The following FAM227B variants were observed in gnomAD, a reference collection of about 807,000 sequenced individuals.
The protein encoded by FAM227B is family with sequence similarity 227 member B, also known as protein FAM227B.
FAM227B carries 88 observed loss-of-function variants against 73.8 expected under a neutral mutation model. That is an observed-to-expected ratio of 1.19 (90% CI 1.00 to 1.42). The LOEUF is 1.42. Among genes scored for constraint, FAM227B ranks in the 40% most tolerant of loss-of-function variants. FAM227B has a pLI of 0.00. For missense variants in FAM227B, 632 were observed against 590.9 expected, an observed-to-expected ratio of 1.07 and a Z score of -0.72; for synonymous variants, 210 against 190.5, an observed-to-expected ratio of 1.10 and a Z score of -0.84.
chr15:49,544,491 C>T (rs954234608), intron 9 of FAM227B, among the ~76,000 whole-genome samples: 1 of 152,124 alleles, frequency 6.6e-6, no homozygotes, highest in Non-Finnish European at 1.5e-5. Flanking sequence ...CATCTGGATG[C>T]TCTTTATTTC....
intron 9 of FAM227B, among the ~76,000 whole-genome samples, chr15:49,556,539 C>A (rs554999758): frequency 9.2e-5 from 14 of 152,310 alleles, no homozygotes; most frequent in African/African-American, 3.1e-4. Context: ...TCTGTTGGAA[C>A]TCTTGATGGC....
chr15:49,359,011 G>T (rs1596499253), intron 13 of FAM227B, among the ~76,000 whole-genome samples: 1 of 151,842 alleles, frequency 6.6e-6, no homozygotes, highest in South Asian at 2.1e-4. Flanking sequence ...TTAATAAATG[G>T]TGCTGGGAAA....
intron 1 of FAM227B, among the ~76,000 whole-genome samples, chr15:49,616,368 T>C (rs1051043247): frequency 1.3e-5 from 2 of 152,164 alleles, no homozygotes; most frequent in African/African-American, 2.4e-5. Flanking sequence ...AATAATAAAC[T>C]TTGTGTTGTT....
At chr15:49,588,547 C>CCA (rs2076315076) in intron 4 of FAM227B, among the ~76,000 whole-genome samples, 1 of 38,054 alleles carries the variant, frequency 2.6e-5, no homozygotes, top group Non-Finnish European at 5.2e-5. Flanking sequence ...ATATTGAGGA[C>CCA]TATATATATA....
intron 13 of FAM227B, among the ~76,000 whole-genome samples, chr15:49,367,022 T>C (rs1224823846): frequency 6.6e-6 from 1 of 152,214 alleles, no homozygotes; most frequent in Non-Finnish European, 1.5e-5. Flanking sequence ...AATTTTTTAA[T>C]GTGTAAAAAA....
At chr15:49,480,474 A>AT (rs35283556) in intron 11 of FAM227B, among the ~76,000 whole-genome samples, 66,114 of 101,106 alleles carry the variant, frequency 0.65, 22,243 homozygotes, top group East Asian at 0.9. Context: ...TGCCCAACTA[A>AT]TTTTTTTTTT....
At chr15:49,618,633 T>G (rs2078451862) in intron 1 of FAM227B, among the ~76,000 whole-genome samples, 1 of 151,592 alleles carries the variant, frequency 6.6e-6, no homozygotes. Context: ...ACAAGAAGAG[T>G]GTATGAGGTA....
intron 11 of FAM227B, among the ~76,000 whole-genome samples, chr15:49,496,107 T>C (rs1597602473): frequency 6.6e-6 from 1 of 152,210 alleles, no homozygotes; most frequent in Admixed American, 6.5e-5. Context: ...AGCATCTGGC[T>C]ATTACTTTAA....
At chr15:49,498,532 T>C (rs919197711) in intron 11 of FAM227B, among the ~76,000 whole-genome samples, 1 of 152,258 alleles carries the variant, frequency 6.6e-6, no homozygotes, top group African/African-American at 2.4e-5. Context: ...ACTTGGCCCT[T>C]GCTCCCACAG....
chr15:49,507,379 A>G (rs2058660669), intron 11 of FAM227B, among the ~76,000 whole-genome samples: 2 of 152,114 alleles, frequency 1.3e-5, no homozygotes, highest in East Asian at 1.9e-4. Flanking sequence ...ATATCAAGGT[A>G]TAGGTTAGAA....
chr15:49,607,942 G>T (rs1338785193), intron 3 of FAM227B, among the ~76,000 whole-genome samples: 1 of 151,928 alleles, frequency 6.6e-6, no homozygotes, highest in Non-Finnish European at 1.5e-5. Context: ...GGTACCTCTT[G>T]AATAGAGTGT....
In FAM227B at chr15:49,446,926, C is replaced by G. The variant is rs536696231; in HGVS notation, c.1012+61285G>C. ...GCAATACACAGATATATCAAGAAAT[C>G]AGGAGAGATAAAAGGCAGAGAAATA... On this transcript the variant is annotated intron_variant, in intron 11 of 15. Transcript: ENST00000299338. 9.1e-4 allele frequency among the ~76,000 whole-genome samples: 138 copies of G among 151,402 alleles called. 5 individuals are homozygous for G. In the South Asian group the frequency reaches 0.027, roughly 30 times the overall value.
chr15:49,374,731 A>T (rs1425874723), intron 11 of FAM227B, among the ~76,000 whole-genome samples: 1 of 152,114 alleles, frequency 6.6e-6, no homozygotes, highest in Middle Eastern at 3.2e-3. Flanking sequence ...TTTAGTAGAG[A>T]CTGGGTTTGA....
At chr15:49,405,751 T>G (rs955158029) in intron 11 of FAM227B, among the ~76,000 whole-genome samples, 1 of 152,204 alleles carries the variant, frequency 6.6e-6, no homozygotes, top group Non-Finnish European at 1.5e-5. Flanking sequence ...TTTCTGTCAT[T>G]TCAGCCATCT....
chr15:49,528,306 C>G (rs991657105), intron 10 of FAM227B, among the ~76,000 whole-genome samples: 1 of 151,522 alleles, frequency 6.6e-6, no homozygotes, highest in African/African-American at 2.4e-5. Flanking sequence ...ATGCAGAAAA[C>G]GAAACTGGAC....
chr15:49,355,272 T>C (rs1162908820), intron 13 of FAM227B, among the ~76,000 whole-genome samples: 1 of 152,194 alleles, frequency 6.6e-6, no homozygotes, highest in African/African-American at 2.4e-5. Flanking sequence ...GAAGAAGGCT[T>C]CAGACTATCA....
intron 9 of FAM227B, among the ~76,000 whole-genome samples, chr15:49,564,972 T>C (rs2074531063): frequency 6.6e-6 from 1 of 152,118 alleles, no homozygotes; most frequent in Non-Finnish European, 1.5e-5. Context: ...CTAAAGTAAA[T>C]GTTGCAATTT....
chr15:49,611,404 T>C (rs1186167667), intron 2 of FAM227B, 136 bp from the exon 3 acceptor site: 3 of 505,558 alleles, frequency 5.9e-6, no homozygotes, highest in East Asian at 3.1e-5. Flanking sequence ...AAATGCTCAC[T>C]TTATACCATC....
chr15:49,582,934 ACAAAGGTATAACACAC>A (rs2075906046), intron 5 of FAM227B, among the ~76,000 whole-genome samples: 1 of 152,238 alleles, frequency 6.6e-6, no homozygotes, highest in South Asian at 2.1e-4. Flanking sequence ...ACTGATGAGA[ACAAAGGTATAACACAC>A]CAGAATCTCT....
Sources: allele counts gnomAD v4.1 joint callset (sites outside exome capture counted in the v4.1 genomes callset), GRCh38; gene constraint gnomAD v4.1.1; transcripts MANE v1.5; gene names NCBI Gene and HGNC (gene_info 2026-07-23, HGNC 2026-07-21).